Variants in CADM2 observed in about 807,000 individuals in gnomAD.
The protein encoded by CADM2 is immunoglobulin superfamily member 4D.
A neutral mutation model predicts 49.8 loss-of-function variants in CADM2; 12 were observed. That is an observed-to-expected ratio of 0.24 (90% CI 0.15 to 0.39). The LOEUF is 0.39. CADM2 is among the 10% of genes least tolerant of loss of function. The pLI, the probability that CADM2 is intolerant of heterozygous loss-of-function variation, is 1.00. For missense variants in CADM2, 378 were observed against 492.3 expected (o/e 0.77, Z 2.20); for synonymous variants, 214 against 175.4 (o/e 1.22, Z -1.74).
chr3:85,538,588 G>A (rs2061473969), intron 1 of CADM2, among the ~76,000 whole-genome samples: 1 of 152,120 alleles, frequency 6.6e-6, no homozygotes, highest in South Asian at 2.1e-4. Flanking sequence ...ACATTTCAAA[G>A]TTAAAAGCCA....
At chr3:85,490,787 T>C (rs2039638320) in intron 1 of CADM2, among the ~76,000 whole-genome samples, 1 of 152,088 alleles carries the variant, frequency 6.6e-6, no homozygotes, top group African/African-American at 2.4e-5. Context: ...TTAAAGTCCT[T>C]AAAATGCTTA....
At chr3:85,526,432 C>T (rs953074195) in intron 1 of CADM2, among the ~76,000 whole-genome samples, 5 of 152,048 alleles carry the variant, frequency 3.3e-5, no homozygotes, top group African/African-American at 4.8e-5. Context: ...CCCAAGCCTC[C>T]TTATACTAGG....
intron 8 of CADM2, among the ~76,000 whole-genome samples, chr3:85,980,397 G>GA (rs1727333755): frequency 6.6e-6 from 1 of 151,366 alleles, no homozygotes; most frequent in South Asian, 2.1e-4. Context: ...CTTTGTTTCA[G>GA]AAAAAATTCT....
At chr3:85,946,891 G>T (rs141226072) in intron 7 of CADM2, among the ~76,000 whole-genome samples, 1 of 152,082 alleles carries the variant, frequency 6.6e-6, no homozygotes, top group Non-Finnish European at 1.5e-5. Context: ...CACATGCCAG[G>T]ACTTCATGTC....
intron 1 of CADM2, among the ~76,000 whole-genome samples, chr3:85,182,840 A>T (rs1296387250): frequency 1.3e-5 from 2 of 152,060 alleles, no homozygotes; most frequent in Admixed American, 6.6e-5. Flanking sequence ...TTCTTGTAAA[A>T]TTCTCATTTT....
intron 1 of CADM2, among the ~76,000 whole-genome samples, chr3:85,340,950 TA>T (rs548355023): frequency 6.0e-4 from 91 of 151,884 alleles, no homozygotes; most frequent in Middle Eastern, 3.4e-3. Flanking sequence ...TATCTTTAGT[TA>T]AAAGCATAAA....
At chr3:85,230,466 A>T (rs2042260660) in intron 1 of CADM2, among the ~76,000 whole-genome samples, 1 of 152,182 alleles carries the variant, frequency 6.6e-6, no homozygotes, top group African/African-American at 2.4e-5. Context: ...GTGTGAGGAT[A>T]TTAGATTAGT....
intron 1 of CADM2, among the ~76,000 whole-genome samples, chr3:85,330,791 T>C (rs1201428157): frequency 2.6e-5 from 2 of 76,392 alleles, no homozygotes; most frequent in Admixed American, 2.7e-4. Flanking sequence ...ACTCCATCTC[T>C]CCAAAAAAAA....
At chr3:85,727,083 C>A (rs556106591) in intron 2 of CADM2, among the ~76,000 whole-genome samples, 1 of 151,962 alleles carries the variant, frequency 6.6e-6, no homozygotes, top group African/African-American at 2.4e-5. Context: ...ACATGTCCAA[C>A]GCTGAAAATA....
chr3:85,744,005 A>G (rs1459886752), intron 2 of CADM2, among the ~76,000 whole-genome samples: 1 of 152,214 alleles, frequency 6.6e-6, no homozygotes, highest in Non-Finnish European at 1.5e-5. Flanking sequence ...CCCTAGCCTC[A>G]TAGAGCATAT....
At chr3:85,850,992 T>C (rs2108291766) in intron 3 of CADM2, among the ~76,000 whole-genome samples, 1 of 152,288 alleles carries the variant, frequency 6.6e-6, no homozygotes, top group South Asian at 2.1e-4. Context: ...TCTTATTTAT[T>C]ATTTGATCCA....
chr3:85,447,509 A>G (rs1270356129), intron 1 of CADM2, among the ~76,000 whole-genome samples: 1 of 152,176 alleles, frequency 6.6e-6, no homozygotes, highest in Non-Finnish European at 1.5e-5. Context: ...TGTATTCTGT[A>G]GTCTACAGGA....
At chr3:85,164,085 G>A (rs894475269) in intron 1 of CADM2, among the ~76,000 whole-genome samples, 1 of 151,862 alleles carries the variant, frequency 6.6e-6, no homozygotes, top group Admixed American at 6.6e-5. Flanking sequence ...GTAACTACAT[G>A]TATTATCTTT....
intron 1 of CADM2, among the ~76,000 whole-genome samples, chr3:85,362,507 A>T (rs558850406): frequency 6.6e-6 from 1 of 152,336 alleles, no homozygotes; most frequent in South Asian, 2.1e-4. Context: ...GTCATTTAGA[A>T]ATTACTATCA....
intron 1 of CADM2, among the ~76,000 whole-genome samples, chr3:85,296,808 A>C (rs1425983108): frequency 6.6e-6 from 1 of 152,102 alleles, no homozygotes; most frequent in Admixed American, 6.6e-5. Context: ...TTCCAAACAG[A>C]TAGAGGTGTA....
At chr3:85,312,457 A>G (rs886340653) in intron 1 of CADM2, among the ~76,000 whole-genome samples, 1 of 152,048 alleles carries the variant, frequency 6.6e-6, no homozygotes, top group East Asian at 1.9e-4. Context: ...CTAGATTTTA[A>G]TTCAGTGTAA....
intron 1 of CADM2, among the ~76,000 whole-genome samples, chr3:85,586,374 G>C (rs1020312683): frequency 1.3e-5 from 2 of 151,966 alleles, no homozygotes; most frequent in Non-Finnish European, 1.5e-5. Context: ...AAAAACAATA[G>C]AATAAAGCAC....
rs979310001 is a variant in CADM2 at position 85,218,239 on chromosome 3, T to C, written c.61+258571T>C. On this transcript the variant is annotated intron_variant, in intron 1 of 9. Coordinates refer to ENST00000383699, the MANE Select transcript of CADM2 (RefSeq NM_001167675.2). ...CTGGAAGTGAGTTATATTCCAGACT[T>C]AGCCATATTTACCATTAGAACAATG... Among the ~76,000 whole-genome samples the C allele has an allele frequency of 2.6e-5, 4 of 152,098 alleles. No homozygotes were observed. The South Asian group carries it at 8.3e-4, about 32-fold the overall frequency.
At chr3:84,997,294 C>T (rs2033228391) in intron 1 of CADM2, among the ~76,000 whole-genome samples, 1 of 152,040 alleles carries the variant, frequency 6.6e-6, no homozygotes, top group African/African-American at 2.4e-5. Flanking sequence ...ACAAGATTCA[C>T]ATGATGCATT....
Sources: gnomAD v4.1 joint callset for allele counts (sites outside exome capture counted in the v4.1 genomes callset) on GRCh38, gnomAD v4.1.1 for gene constraint, MANE v1.5 for transcripts, NCBI Gene and HGNC (gene_info 2026-07-23, HGNC 2026-07-21) for gene names.